The following KIAA1328 variants were observed in gnomAD, a reference collection of about 807,000 sequenced individuals.
KIAA1328 encodes protein hinderin.
A neutral mutation model predicts 68.1 loss-of-function variants in KIAA1328; 52 were observed. The observed-to-expected ratio is 0.76, with a 90% CI of 0.61 to 0.96. The LOEUF (loss-of-function observed/expected upper bound fraction) is 0.96, where lower values mean the gene tolerates loss of function less well. Among genes scored for constraint, KIAA1328 ranks in the 40% least tolerant of loss-of-function variants. The pLI is 0.00. For synonymous variants in KIAA1328, 232 were observed against 239.4 expected (o/e 0.97, Z 0.28); for missense variants, 641 against 677.6 (o/e 0.95, Z 0.60).
chr18:36,953,247 A>G (rs1248982527), intron 5 of KIAA1328, among the ~76,000 whole-genome samples: 2 of 147,682 alleles, frequency 1.4e-5, no homozygotes, highest in Non-Finnish European at 3.0e-5. Context: ...TTTATAATAT[A>G]TAGTGTAATA....
At chr18:37,169,170 A>ATTTATTTATTTATAT (rs2059448239) in intron 8 of KIAA1328, among the ~76,000 whole-genome samples, 1 of 131,170 alleles carries the variant, frequency 7.6e-6, no homozygotes, top group African/African-American at 2.9e-5. Flanking sequence ...ATTTATTTAT[A>ATTTATTTATTTATAT]TTTTTTTTTT....
At chr18:37,217,756 A>G (rs1178400988) in intron 9 of KIAA1328, among the ~76,000 whole-genome samples, 1 of 152,232 alleles carries the variant, frequency 6.6e-6, no homozygotes, top group Non-Finnish European at 1.5e-5. Flanking sequence ...AATATCCTGA[A>G]GAGTGTTTTC....
chr18:36,830,039 A>T (rs1196932210), intron 1 of KIAA1328, among the ~76,000 whole-genome samples: 1 of 152,212 alleles, frequency 6.6e-6, no homozygotes, highest in Non-Finnish European at 1.5e-5. Context: ...GAGGGACGGC[A>T]ATCTGTGTTA....
At chr18:36,982,614 G>A (rs1329979005) in intron 6 of KIAA1328, among the ~76,000 whole-genome samples, 1 of 151,818 alleles carries the variant, frequency 6.6e-6, no homozygotes, top group Non-Finnish European at 1.5e-5. Flanking sequence ...ATTACCAGGA[G>A]TCCACACTAG....
chr18:37,010,910 A>G (rs2053957600), intron 6 of KIAA1328, among the ~76,000 whole-genome samples: 1 of 152,142 alleles, frequency 6.6e-6, no homozygotes, highest in Admixed American at 6.5e-5. Flanking sequence ...ACATAGAAAA[A>G]TTTTCTAACC....
At chr18:36,973,850 C>CACACACAT (rs983579773) in intron 6 of KIAA1328, among the ~76,000 whole-genome samples, 1 of 149,156 alleles carries the variant, frequency 6.7e-6, no homozygotes. Flanking sequence ...CACACACACA[C>CACACACAT]ATATATATCT....
chr18:36,931,514 G>A (rs536202227), intron 5 of KIAA1328, among the ~76,000 whole-genome samples: 1 of 152,114 alleles, frequency 6.6e-6, no homozygotes, highest in African/African-American at 2.4e-5. Flanking sequence ...TGGAAAAATT[G>A]TTTTCCATGA....
chr18:36,973,661 TACTC>T (rs1235643897), intron 6 of KIAA1328, among the ~76,000 whole-genome samples: 1 of 152,062 alleles, frequency 6.6e-6, no homozygotes, highest in Non-Finnish European at 1.5e-5. Context: ...AATAAATAAT[TACTC>T]AGTGAAATAT....
At chr18:36,903,591 A>G (rs868440373) in intron 5 of KIAA1328, 1 of 152,268 alleles carries the variant, frequency 6.6e-6, no homozygotes, top group South Asian at 2.1e-4. Context: ...AGAACTCTGT[A>G]TTGTGTGCAA....
At chr18:37,088,362 T>A (rs893974759) in intron 7 of KIAA1328, among the ~76,000 whole-genome samples, 4 of 152,120 alleles carry the variant, frequency 2.6e-5, no homozygotes, top group African/African-American at 9.7e-5. Flanking sequence ...CTCCAATACT[T>A]ATTTGTATAT....
At chr18:37,186,402 C>A (rs919725334) in intron 9 of KIAA1328, among the ~76,000 whole-genome samples, 2 of 151,234 alleles carry the variant, frequency 1.3e-5, no homozygotes, top group South Asian at 4.2e-4. Flanking sequence ...CTTGTTGCTA[C>A]TAAAAATTTA....
chr18:36,995,732 A>T (rs1019779895), intron 6 of KIAA1328, among the ~76,000 whole-genome samples: 18 of 152,194 alleles, frequency 1.2e-4, no homozygotes, highest in African/African-American at 4.3e-4. Flanking sequence ...TATTTCTTGT[A>T]CTTTGTCAGA....
intron 3 of KIAA1328, among the ~76,000 whole-genome samples, chr18:36,836,113 G>A (rs1353917354): frequency 6.6e-6 from 1 of 152,104 alleles, no homozygotes; most frequent in Non-Finnish European, 1.5e-5. Context: ...ACCTTTTATA[G>A]AAAACTTTTT....
At chr18:36,856,093 CTTG>C (rs1269760584) in intron 4 of KIAA1328, among the ~76,000 whole-genome samples, 3 of 151,854 alleles carry the variant, frequency 2.0e-5, no homozygotes, top group African/African-American at 7.3e-5. Flanking sequence ...TCATTTCCCT[CTTG>C]TTGTTTTTAA....
At chr18:36,852,201 T>G (rs1241388234) in intron 4 of KIAA1328, among the ~76,000 whole-genome samples, 1 of 152,200 alleles carries the variant, frequency 6.6e-6, no homozygotes, top group Admixed American at 6.5e-5. Flanking sequence ...ACCTAACATG[T>G]GGTTTATCCT....
chr18:36,917,856 A>G (rs971883922), intron 5 of KIAA1328, among the ~76,000 whole-genome samples: 2 of 152,214 alleles, frequency 1.3e-5, no homozygotes, highest in Non-Finnish European at 2.9e-5. Flanking sequence ...GCCTACACTC[A>G]GGCAAAAAGT....
At chr18:37,027,882 C>T (rs1022059518) in intron 6 of KIAA1328, among the ~76,000 whole-genome samples, 1 of 152,116 alleles carries the variant, frequency 6.6e-6, no homozygotes. Flanking sequence ...TCTAATTAAA[C>T]TAAAGAGCTT....
intron 9 of KIAA1328, among the ~76,000 whole-genome samples, chr18:37,198,633 G>T (rs1025667293): frequency 6.6e-6 from 1 of 152,154 alleles, no homozygotes; most frequent in African/African-American, 2.4e-5. Context: ...ATTACTAAAA[G>T]GTTCCTAAGA....
chr18:36,930,356 A>T (rs528639572), intron 5 of KIAA1328, among the ~76,000 whole-genome samples: 5 of 152,148 alleles, frequency 3.3e-5, no homozygotes, highest in Non-Finnish European at 5.9e-5. Context: ...CAACTTTCCT[A>T]TGGGTCCAAA....
Sources: gnomAD v4.1 joint callset for allele counts (sites outside exome capture counted in the v4.1 genomes callset) on GRCh38, gnomAD v4.1.1 for gene constraint, MANE v1.5 for transcripts, NCBI Gene and HGNC (gene_info 2026-07-23, HGNC 2026-07-21) for gene names.